GRM8: variants seen among roughly 807,000 people sequenced by gnomAD.
The protein encoded by GRM8 is metabotropic glutamate receptor 8.
GRM8 carries 47 observed loss-of-function variants against 87.2 expected under a neutral mutation model. That is an observed-to-expected ratio of 0.54 (90% CI 0.43 to 0.69). The LOEUF is 0.69. Among genes scored for constraint, GRM8 ranks in the 30% least tolerant of loss-of-function variants. The probability of loss-of-function intolerance (pLI) is 0.00; values close to 1 mark genes in which losing one functional copy is unlikely to be tolerated. For synonymous variants in GRM8, 396 were observed against 404.5 expected, an observed-to-expected ratio of 0.98 and a Z score of 0.25; for missense variants, 1,019 against 1,139.2, an observed-to-expected ratio of 0.89 and a Z score of 1.52.
chr7:127,239,561 A>G (rs1370465120), intron 2 of GRM8, among the ~76,000 whole-genome samples: 3 of 152,234 alleles, frequency 2.0e-5, no homozygotes, highest in Non-Finnish European at 4.4e-5. Flanking sequence ...GAAAATTAGT[A>G]TTTAAGAAAA....
At chr7:127,048,192 G>A (rs1819128985) in intron 3 of GRM8, among the ~76,000 whole-genome samples, 1 of 152,094 alleles carries the variant, frequency 6.6e-6, no homozygotes, top group Admixed American at 6.5e-5. Flanking sequence ...TTGTGTAAAG[G>A]ATATTCAGCA....
intron 3 of GRM8, among the ~76,000 whole-genome samples, chr7:127,069,577 C>T (rs1191107821): frequency 6.6e-6 from 1 of 152,164 alleles, no homozygotes; most frequent in East Asian, 1.9e-4. Flanking sequence ...GAGGACTGTA[C>T]ACTTAGGACA....
intron 3 of GRM8, among the ~76,000 whole-genome samples, chr7:127,072,823 A>G (rs1040289672): frequency 3.3e-5 from 5 of 151,996 alleles, no homozygotes; most frequent in Admixed American, 6.6e-5. Flanking sequence ...CATCTTAAAC[A>G]TTATTTTTAG....
At chr7:126,799,312 G>A (rs1045029010) in intron 6 of GRM8, among the ~76,000 whole-genome samples, 10 of 152,020 alleles carry the variant, frequency 6.6e-5, no homozygotes, top group African/African-American at 2.2e-4. Context: ...AAAACTGAAG[G>A]CACGCTCAGG....
chr7:126,702,853 T>C (rs974750088), intron 7 of GRM8, among the ~76,000 whole-genome samples: 3 of 152,116 alleles, frequency 2.0e-5, no homozygotes, highest in Non-Finnish European at 4.4e-5. Flanking sequence ...TGTCACAGAA[T>C]GCTAAGTGAT....
At chr7:126,515,967 A>G (rs1019687367) in intron 9 of GRM8, among the ~76,000 whole-genome samples, 4 of 152,070 alleles carry the variant, frequency 2.6e-5, no homozygotes, top group South Asian at 2.1e-4. Context: ...ATTTTATGCC[A>G]TCTATTCAAG....
At chr7:126,927,871 A>G (rs1805309004) in intron 3 of GRM8, among the ~76,000 whole-genome samples, 1 of 152,180 alleles carries the variant, frequency 6.6e-6, no homozygotes, top group Admixed American at 6.5e-5. Context: ...TACTGGGTAT[A>G]CACCCAAAGG....
In GRM8 at chr7:126,726,452, G is replaced by A. The variant is rs189401825; in HGVS notation, c.1357+43413C>T. 3.0e-4 allele frequency among the ~76,000 whole-genome samples: 45 copies of A among 152,250 alleles called. No homozygotes were observed. In the East Asian group the frequency reaches 7.7e-3, roughly 26 times the overall value. On this transcript the variant is annotated intron_variant, in intron 7 of 10. Transcript: ENST00000339582. ...CCTCTGTGCCTGTGCTGATGAGCGG[G>A]TCCCTGCTCTGGCCACTGCTTTGGG...
intron 9 of GRM8, among the ~76,000 whole-genome samples, chr7:126,498,614 G>T (rs1405979812): frequency 6.6e-6 from 1 of 151,904 alleles, no homozygotes; most frequent in Non-Finnish European, 1.5e-5. Flanking sequence ...TGTACTGTTG[G>T]CTGTCTCTAT....
At chr7:126,903,675 G>A (rs1289762580) in intron 5 of GRM8, among the ~76,000 whole-genome samples, 1 of 128,900 alleles carries the variant, frequency 7.8e-6, no homozygotes, top group Non-Finnish European at 1.6e-5. Context: ...ATGTATATGT[G>A]TATATATATA....
intron 2 of GRM8, among the ~76,000 whole-genome samples, chr7:127,216,162 C>G (rs1369120945): frequency 6.6e-6 from 1 of 152,110 alleles, no homozygotes; most frequent in Non-Finnish European, 1.5e-5. Flanking sequence ...GCTAGAATGC[C>G]TAAAAATTTT....
At chr7:127,008,106 A>AGCAACT (rs1463239237) in intron 3 of GRM8, among the ~76,000 whole-genome samples, 3 of 151,986 alleles carry the variant, frequency 2.0e-5, no homozygotes, top group African/African-American at 2.4e-5. Flanking sequence ...CAGACTTAAG[A>AGCAACT]GGTACAGTCT....
chr7:126,644,536 T>G (rs1168313256), intron 7 of GRM8, among the ~76,000 whole-genome samples: 3 of 152,220 alleles, frequency 2.0e-5, no homozygotes, highest in African/African-American at 7.2e-5. Flanking sequence ...CAAAATCTCA[T>G]GAAAACATTG....
At position 127,242,876 on chromosome 7, in the gene GRM8, G is replaced by A. The variant is rs1437306857; in HGVS notation, c.329C>T (p.Thr110Ile). 1.2e-6 allele frequency: 2 copies of A among 1,614,028 alleles called. No homozygotes were observed. The highest frequency in any genetic ancestry group is 1.7e-6 in the Non-Finnish European group (2 of 1,179,946). ...TGTTAGAGACTGCTCCAAAGCATAG[G>A]TGTCCCTAGAGCACGTGTCGAGGAT... is the stretch of plus-strand genomic sequence containing the variant. ...VRILDTCSRDTYALEQSLTFV... is the reference protein window; with the variant it reads ...VRILDTCSRDIYALEQSLTFV... The change falls in exon 2 of 11, where the codon ACC (threonine) becomes ATC (isoleucine). Residue 110 changes from threonine to isoleucine, a missense_variant. Coordinates refer to ENST00000339582, the MANE Select transcript of GRM8 (RefSeq NM_000845.3).
At position 127,114,030 on chromosome 7, in the gene GRM8, G is replaced by T. The variant is rs372620018; in HGVS notation, c.511-7318C>A. ...GAAAGGAAATGTAAAGCCAGAGTGT[G>T]AAACAAAAAAGAAGATGGATGACTA... is the stretch of plus-strand genomic sequence containing the variant. On this transcript the variant is annotated intron_variant, in intron 2 of 10. Transcript: ENST00000339582. Among the ~76,000 whole-genome samples the T allele has an allele frequency of 3.3e-5, 5 of 152,122 alleles. No individual in the cohort carries two copies. In the East Asian group the frequency reaches 7.7e-4, roughly 24 times the overall value.
At chr7:127,126,807 T>C (rs2133205690) in intron 2 of GRM8, among the ~76,000 whole-genome samples, 1 of 151,938 alleles carries the variant, frequency 6.6e-6, no homozygotes, top group East Asian at 1.9e-4. Context: ...AAATCACAGA[T>C]TGAGGAGAAA....
At chr7:126,826,558 G>C (rs1251932584) in intron 6 of GRM8, among the ~76,000 whole-genome samples, 1 of 152,132 alleles carries the variant, frequency 6.6e-6, no homozygotes, top group Non-Finnish European at 1.5e-5. Flanking sequence ...CCCAATTTTT[G>C]ATGGGGTTGT....
chr7:126,873,696 C>G (rs1225439468), intron 6 of GRM8, among the ~76,000 whole-genome samples: 1 of 152,038 alleles, frequency 6.6e-6, no homozygotes, highest in Non-Finnish European at 1.5e-5. Context: ...ATGTGAATCT[C>G]TAAGTACCTG....
chr7:127,001,343 C>A (rs146530125), intron 3 of GRM8, among the ~76,000 whole-genome samples: 1 of 151,470 alleles, frequency 6.6e-6, no homozygotes, highest in Non-Finnish European at 1.5e-5. Context: ...TATATCAATT[C>A]GTTAATATAG....
Sources: gnomAD v4.1 joint callset for allele counts (sites outside exome capture counted in the v4.1 genomes callset) on GRCh38, gnomAD v4.1.1 for gene constraint, MANE v1.5 for transcripts, NCBI Gene and HGNC (gene_info 2026-07-23, HGNC 2026-07-21) for gene names.